Variants in UBR1 observed in about 807,000 individuals in gnomAD.
The protein encoded by UBR1 is E3 ubiquitin-protein ligase UBR1.
In UBR1, 102 loss-of-function variants were observed where a neutral mutation model predicts 242.1. The ratio of observed to expected loss-of-function variants is 0.42; its 90% CI spans 0.36 to 0.50. UBR1 has a LOEUF of 0.50. Ranked by LOEUF, UBR1 falls within the 20% of genes least tolerant of loss-of-function variation. The pLI is 0.01. For synonymous variants in UBR1, 675 were observed against 684.8 expected (o/e 0.99, Z 0.22); for missense variants, 1,772 against 2,101.8 (o/e 0.84, Z 3.07).
chr15:42,970,586 TGAACCTGAGCA>T lies in UBR1; in HGVS notation c.4380_4390del (p.Ala1461ArgfsTer4). ...GGAATGAGCCTCTTCACTGTCTTCT[TGAACCTGAGCA>T]AGGGGTAGGCCTGAAAAAGAAATTC... On this transcript the variant is annotated frameshift_variant, in exon 40 of 47. Coordinates refer to ENST00000290650, the MANE Select transcript of UBR1 (RefSeq NM_174916.3). LOFTEE classifies it high-confidence loss of function. The T allele has an allele frequency of 6.2e-7, 1 of 1,613,850 alleles. No homozygotes were observed. The highest frequency in any genetic ancestry group is 8.5e-7 in the Non-Finnish European group (1 of 1,180,010).
chr15:43,019,063 A>C (rs2033067843), intron 27 of UBR1, among the ~76,000 whole-genome samples: 1 of 151,852 alleles, frequency 6.6e-6, no homozygotes, highest in Non-Finnish European at 1.5e-5. Flanking sequence ...TAATAATATC[A>C]CTATCTTTTT....
At chr15:43,014,053 C>T (rs1053714212) in intron 29 of UBR1, among the ~76,000 whole-genome samples, 3 of 152,258 alleles carry the variant, frequency 2.0e-5, no homozygotes, top group African/African-American at 4.8e-5. Flanking sequence ...GACTGGTTTT[C>T]GTATTTTTTT....
chr15:43,085,345 T>C lies in UBR1; in HGVS notation c.338+639A>G, dbSNP rs369751371. Among the ~76,000 whole-genome samples, 3 of 152,192 alleles carry C rather than the reference T, an allele frequency of 2.0e-5. No individual in the cohort carries two copies. In the East Asian group the frequency reaches 5.8e-4, roughly 29 times the overall value. On this transcript the variant is annotated intron_variant, in intron 2 of 46. Coordinates refer to ENST00000290650, the MANE Select transcript of UBR1 (RefSeq NM_174916.3). ...AGAATTCTGAAATGGCCCCAAAGAGTTTCAGGTAAGAGTGTACTGGATATA... is the reference window on the plus strand; with the variant it reads ...AGAATTCTGAAATGGCCCCAAAGAGCTTCAGGTAAGAGTGTACTGGATATA...
intron 20 of UBR1, 108 bp downstream of exon 20, chr15:43,032,460 A>C (rs2033269029): frequency 1.4e-6 from 1 of 713,868 alleles, no homozygotes; most frequent in Non-Finnish European, 2.3e-6. Context: ...GTGATTTTCT[A>C]AATGCAGTAT....
At chr15:43,073,402 T>C (rs2033848241) in intron 4 of UBR1, among the ~76,000 whole-genome samples, 1 of 152,184 alleles carries the variant, frequency 6.6e-6, no homozygotes, top group South Asian at 2.1e-4. Context: ...AATATTTCCT[T>C]ATGGTTGACA....
intron 6 of UBR1, among the ~76,000 whole-genome samples, chr15:43,066,175 T>C (rs1567141653): frequency 6.6e-6 from 1 of 152,242 alleles, no homozygotes; most frequent in Non-Finnish European, 1.5e-5. Context: ...AGTTTCAATT[T>C]TCTGCATATG....
intron 1 of UBR1, among the ~76,000 whole-genome samples, chr15:43,088,501 CT>C (rs957542912): frequency 3.3e-4 from 48 of 146,120 alleles, no homozygotes; most frequent in South Asian, 8.6e-4. Context: ...TTCTTTCTTT[CT>C]TTTTTTTTTT....
intron 21 of UBR1, among the ~76,000 whole-genome samples, chr15:43,028,757 A>C (rs1230712923): frequency 3.3e-5 from 5 of 150,478 alleles, no homozygotes; most frequent in African/African-American, 7.3e-5. Context: ...AAAAAAAAAA[A>C]AACAAACAAA....
intron 15 of UBR1, 68 bp from the exon 16 acceptor site, chr15:43,038,300 A>G (rs1320639254): frequency 6.7e-7 from 1 of 1,500,144 alleles, no homozygotes; most frequent in Non-Finnish European, 9.3e-7. Context: ...TAACTCATCA[A>G]GTTTAGAAAC....
rs1013971269 is a variant in UBR1 at position 42,943,997 on chromosome 15, T to C, written c.*1332A>G. The stretch of plus-strand genomic sequence containing the variant: ...CACTAATCACTTAGCAAATATATTT[T>C]ACTTGCTTGCCTTTGCTGAGCAAAA... On this transcript the variant is annotated 3_prime_UTR_variant, in exon 47 of 47. Transcript: ENST00000290650. The C allele has an allele frequency of 1.3e-5, 2 of 152,294 alleles. No individual in the cohort carries two copies. Among genetic ancestry groups the C allele is most frequent in the African/African-American group, 4.8e-5 (2 of 41,468 alleles). The allele number at this position is 152,294 out of a possible 1,614,324, so 9.4% of individuals were successfully genotyped here.
At chr15:42,995,067 A>T (rs1384233600) in intron 33 of UBR1, among the ~76,000 whole-genome samples, 1 of 152,210 alleles carries the variant, frequency 6.6e-6, no homozygotes, top group Admixed American at 6.5e-5. Context: ...TGTTTAAAAG[A>T]TACTAATCAC....
chr15:43,088,710 CAACA>C (rs903202656), intron 1 of UBR1, among the ~76,000 whole-genome samples: 10 of 151,876 alleles, frequency 6.6e-5, no homozygotes, highest in Admixed American at 1.3e-4. Flanking sequence ...GAAGGAGAAA[CAACA>C]AACTATTAAT....
chr15:43,060,126 CA>C lies in UBR1; in HGVS notation c.799-13del. The C allele has an allele frequency of 6.2e-7, 1 of 1,613,392 alleles. No homozygotes were observed. Among genetic ancestry groups the C allele is most frequent in the Non-Finnish European group, 8.5e-7 (1 of 1,179,402 alleles). ...ACAGCCCGACGACCCTAATTATAGA[CA>C]AAAGTGAGAATTAGGTAGTGAAATG... On this transcript the variant is annotated splice_polypyrimidine_tract_variant and intron_variant, in intron 6 of 46. Coordinates refer to ENST00000290650, the MANE Select transcript of UBR1 (RefSeq NM_174916.3).
intron 39 of UBR1, 69 bp from the exon 40 acceptor site, chr15:42,970,676 A>G: frequency 2.9e-6 from 4 of 1,386,792 alleles, no homozygotes; most frequent in Non-Finnish European, 4.1e-6. Flanking sequence ...CTTTAATTTC[A>G]TTGTTCCAAG....
chr15:43,022,783 A>G lies in UBR1; in HGVS notation c.2758T>C (p.Leu920=). Residue 920 remains leucine, a synonymous_variant, in exon 26 of 47, where the codon TTG becomes CTG. Transcript: ENST00000290650. Reference sequence around the variant, plus strand: ...TGTTGCTTCTCTTCTAGTAAACCCAATGCCAGAATATGAAAAGCCTGAAGG... The same window carrying G: ...TGTTGCTTCTCTTCTAGTAAACCCAGTGCCAGAATATGAAAAGCCTGAAGG... The part of the protein sequence containing the change: ...MLQMAFHILA[L]GLLEEKQQLQ... The G allele has an allele frequency of 1.2e-6, 2 of 1,611,560 alleles. No homozygotes were observed. The highest frequency in any genetic ancestry group is 1.1e-5 in the South Asian group (1 of 90,880).
chr15:42,990,054 AT>A lies in UBR1; in HGVS notation c.3823del (p.Ile1275SerfsTer2). ...CGAAGACTCAACGCCAAAACTCAGG[AT>A]GGAATGGAACTCCAAAGTAGAATCT... ...MGDSTLEFHS[I>X]LSFGVESSIK... is the part of the protein sequence containing the mutation. On this transcript the variant is annotated frameshift_variant, in exon 34 of 47. Coordinates refer to ENST00000290650, the MANE Select transcript of UBR1 (RefSeq NM_174916.3). LOFTEE classifies it high-confidence loss of function. The A allele has an allele frequency of 6.2e-7, 1 of 1,609,606 alleles. No homozygotes were observed. The highest frequency in any genetic ancestry group is 1.1e-5 in the South Asian group (1 of 90,374).
intron 29 of UBR1, among the ~76,000 whole-genome samples, chr15:43,013,252 G>A (rs1375971067): frequency 1.3e-5 from 2 of 152,122 alleles, no homozygotes; most frequent in African/African-American, 4.8e-5. Flanking sequence ...TCTTTAAAAA[G>A]GGCCAAAGTG....
Position 43,011,008 on chromosome 15 carries a change from C to T in UBR1, c.3210-3724G>A, listed in dbSNP as rs182597026. Reference sequence around the variant, plus strand: ...CCATCTCAAGTGTGTGTGTGTAACACTATGTAATTAAAATTTTAGCTAGGT... The same window carrying T: ...CCATCTCAAGTGTGTGTGTGTAACATTATGTAATTAAAATTTTAGCTAGGT... On this transcript the variant is annotated intron_variant, in intron 29 of 46. Coordinates refer to ENST00000290650, the MANE Select transcript of UBR1 (RefSeq NM_174916.3). Among the ~76,000 whole-genome samples the T allele has an allele frequency of 1.1e-4, 17 of 151,216 alleles. No individual in the cohort carries two copies. The East Asian group carries it at 2.9e-3, about 26-fold the overall frequency.
intron 40 of UBR1, among the ~76,000 whole-genome samples, chr15:42,969,572 T>C (rs1485346485): frequency 1.3e-5 from 2 of 152,212 alleles, no homozygotes; most frequent in Non-Finnish European, 2.9e-5. Flanking sequence ...TTTGGTGTTT[T>C]AGTCATGAAG....
Sources: allele counts gnomAD v4.1 joint callset (sites outside exome capture counted in the v4.1 genomes callset), GRCh38; gene constraint gnomAD v4.1.1; transcripts MANE v1.5; gene names NCBI Gene and HGNC (gene_info 2026-07-23, HGNC 2026-07-21).